NOD1: variants seen among roughly 807,000 people sequenced by gnomAD.
The protein encoded by NOD1 is nucleotide-binding oligomerization domain-containing protein 1.
A neutral mutation model predicts 81.2 loss-of-function variants in NOD1; 70 were observed. The observed-to-expected ratio is 0.86, with a 90% CI of 0.71 to 1.05. The LOEUF (loss-of-function observed/expected upper bound fraction) is 1.05. Among genes scored for constraint, NOD1 ranks in the 50% least tolerant of loss-of-function variants. NOD1 has a pLI of 0.00. For synonymous variants in NOD1, 508 were observed against 526.9 expected (o/e 0.96, Z 0.49); for missense variants, 1,233 against 1,228.0 (o/e 1.00, Z -0.06).
Position 30,429,467 on chromosome 7 carries a change from GAAC to G in NOD1, c.2706-13_2706-11del. The G allele has an allele frequency of 6.2e-7, 1 of 1,612,060 alleles. No individual in the cohort carries two copies. Among genetic ancestry groups the G allele is most frequent in the Non-Finnish European group, 8.5e-7 (1 of 1,178,128 alleles). On this transcript the variant is annotated splice_polypyrimidine_tract_variant and intron_variant, in intron 12 of 13. Transcript: ENST00000222823. Reference sequence around the variant, plus strand: ...CTGATTCTGGATAAGCCTGAAAGAAGAACATAACTTGTATAAAATCCATAATAC... The same window carrying G: ...CTGATTCTGGATAAGCCTGAAAGAAGATAACTTGTATAAAATCCATAATAC...
At chr7:30,438,795 T>TG (rs1339337818) in intron 9 of NOD1, among the ~76,000 whole-genome samples, 1 of 152,214 alleles carries the variant, frequency 6.6e-6, no homozygotes, top group Non-Finnish European at 1.5e-5. Flanking sequence ...TACTATAGTA[T>TG]AGATACATAT....
rs1428521828 is a variant in NOD1 at position 30,424,785 on chromosome 7, G to C, written c.*853C>G. Reference sequence around the variant, plus strand: ...GACAAAAGCAGCCATTTGGATGCCAGGGCCACAGGGGCAAGCCATGCCCTA... The same window carrying C: ...GACAAAAGCAGCCATTTGGATGCCACGGCCACAGGGGCAAGCCATGCCCTA... On this transcript the variant is annotated 3_prime_UTR_variant, in exon 14 of 14. Transcript: ENST00000222823. 6.6e-6 allele frequency: 1 copy of C among 152,280 alleles called. No individual in the cohort carries two copies. The highest frequency in any genetic ancestry group is 1.5e-5 in the Non-Finnish European group (1 of 68,106). 9.4% of individuals were successfully genotyped at this position (152,280 alleles called of 1,614,324 possible). A position where few individuals can be genotyped will look rare whatever the true frequency, so the allele number is the denominator to read the frequency against.
In NOD1 at chr7:30,425,554, A is replaced by AGAC; in HGVS notation, c.*81_*83dup. 1.0e-6 allele frequency: 1 copy of AGAC among 985,890 alleles called. No individual in the cohort carries two copies. The highest frequency in any genetic ancestry group is 1.6e-6 in the Non-Finnish European group (1 of 606,950). The allele number at this position is 985,890 out of a possible 1,614,324, so 61.1% of individuals were successfully genotyped here. A position where few individuals can be genotyped will look rare whatever the true frequency, so the allele number is the denominator to read the frequency against. On this transcript the variant is annotated 3_prime_UTR_variant, in exon 14 of 14. Transcript: ENST00000222823. ...AGTCCCGCCTGCGCAGGCCCCTTTAAGACACTGACACAAAAGACTGCCCAG... is the reference window on the plus strand; with the variant it reads ...AGTCCCGCCTGCGCAGGCCCCTTTAAGACGACACTGACACAAAAGACTGCCCAG...
chr7:30,435,328 T>G (rs1361423733), intron 11 of NOD1, among the ~76,000 whole-genome samples: 4 of 151,984 alleles, frequency 2.6e-5, no homozygotes, highest in African/African-American at 9.7e-5. Context: ...GGAAGGCAGA[T>G]GAAGAGGAGG....
intron 3 of NOD1, among the ~76,000 whole-genome samples, chr7:30,458,330 G>A (rs773919020): frequency 5.3e-5 from 8 of 152,134 alleles, no homozygotes; most frequent in African/African-American, 1.2e-4. Flanking sequence ...CCACTTTGTC[G>A]TTTGTCTAGG....
chr7:30,464,991 G>A (rs1721382225), intron 1 of NOD1, among the ~76,000 whole-genome samples: 1 of 152,196 alleles, frequency 6.6e-6, no homozygotes, highest in African/African-American at 2.4e-5. Flanking sequence ...GGCACACAGA[G>A]GTCAAGTAGC....
intron 6 of NOD1, among the ~76,000 whole-genome samples, chr7:30,449,929 A>C (rs962350911): frequency 1.3e-5 from 2 of 152,142 alleles, no homozygotes; most frequent in Non-Finnish European, 2.9e-5. Flanking sequence ...GCGGCGGCTC[A>C]TGCCTGTAAC....
At chr7:30,455,045 G>A in intron 5 of NOD1, 92 bp downstream of exon 5, 1 of 1,249,768 alleles carries the variant, frequency 8.0e-7, no homozygotes, top group South Asian at 1.3e-5. Flanking sequence ...CCTGCTTCCT[G>A]AGGTGGCACT....
rs768367069 is a variant in NOD1 at position 30,436,019 on chromosome 7, T to A, written c.2600A>T (p.Asn867Ile). The change falls in exon 11 of 14, where the codon AAC becomes ATC. Residue 867 changes from asparagine to isoleucine, a missense_variant. Transcript: ENST00000222823. ...GKSLARALQQ[N>I]TSLEILWLTQ... ...TTACCACAGTATTTCTAGAGACGTG[T>A]TCTGCTGCAGGGCCCTCGCAAGGCT... The A allele has an allele frequency of 2.1e-5, 34 of 1,614,040 alleles. No homozygotes were observed. Among genetic ancestry groups the A allele is most frequent in the Non-Finnish European group, 2.8e-5 (33 of 1,179,864 alleles).
chr7:30,462,197 T>C (rs1333041664), intron 1 of NOD1, among the ~76,000 whole-genome samples: 2 of 152,238 alleles, frequency 1.3e-5, no homozygotes, highest in African/African-American at 4.8e-5. Context: ...CACTGCTGCA[T>C]ACAATTTTGC....
intron 1 of NOD1, among the ~76,000 whole-genome samples, chr7:30,477,578 G>A (rs1236489637): frequency 6.6e-6 from 1 of 152,124 alleles, no homozygotes; most frequent in African/African-American, 2.4e-5. Context: ...GCAACAGGGC[G>A]ATCTCGGCTC....
intron 1 of NOD1, among the ~76,000 whole-genome samples, chr7:30,470,705 G>A (rs1788187907): frequency 6.6e-6 from 1 of 152,146 alleles, no homozygotes; most frequent in South Asian, 2.1e-4. Flanking sequence ...CCTACTGCTT[G>A]ACATTTTCTT....
intron 3 of NOD1, among the ~76,000 whole-genome samples, chr7:30,458,616 G>A (rs1445922336): frequency 1.3e-5 from 2 of 151,886 alleles, no homozygotes; most frequent in Non-Finnish European, 2.9e-5. Flanking sequence ...GATAGAGCAG[G>A]AAAGAGTAAA....
intron 10 of NOD1, 117 bp downstream of exon 10, chr7:30,437,456 G>A (rs1784477152): frequency 1.7e-6 from 1 of 579,726 alleles, no homozygotes; most frequent in Non-Finnish European, 2.8e-6. Context: ...CAAGAGTAAG[G>A]AAAATCACAC....
intron 10 of NOD1, among the ~76,000 whole-genome samples, chr7:30,437,089 C>G (rs779442985): frequency 3.3e-5 from 5 of 152,112 alleles, no homozygotes; most frequent in Non-Finnish European, 7.4e-5. Context: ...ATGGATGAAG[C>G]TGGAAACCAT....
At chr7:30,457,124 C>T in intron 3 of NOD1, 82 bp from the exon 4 acceptor site, 2 of 581,326 alleles carry the variant, frequency 3.4e-6, no homozygotes, top group Non-Finnish European at 6.1e-6. Context: ...TGGGGTTTCT[C>T]TACCTAGAGC....
intron 3 of NOD1, among the ~76,000 whole-genome samples, 170 bp from the exon 4 acceptor site, chr7:30,457,212 T>C (rs779254466): frequency 2.0e-5 from 3 of 152,166 alleles, no homozygotes; most frequent in African/African-American, 7.2e-5. Context: ...TTTGGGAGGC[T>C]GAGATGGGTA....
Position 30,436,029 on chromosome 7 carries a change from G to GGGCCCTCGCAA in NOD1, c.2579_2589dup (p.Gln865ArgfsTer10). The GGGCCCTCGCAA allele has an allele frequency of 6.2e-7, 1 of 1,614,136 alleles. No homozygotes were observed. The highest frequency in any genetic ancestry group is 8.5e-7 in the Non-Finnish European group (1 of 1,179,938). ...ATTTCTAGAGACGTGTTCTGCTGCA[G>GGGCCCTCGCAA]GGCCCTCGCAAGGCTCTTTCCTCCT... On this transcript the variant is annotated frameshift_variant, in exon 11 of 14. Transcript: ENST00000222823. LOFTEE classifies it high-confidence loss of function.
intron 1 of NOD1, among the ~76,000 whole-genome samples, chr7:30,464,672 C>T (rs1361868103): frequency 1.3e-5 from 2 of 152,134 alleles, no homozygotes; most frequent in African/African-American, 4.8e-5. Context: ...TGATTTTAGG[C>T]TGTGGGGAAC....
Sources: gnomAD v4.1 joint callset for allele counts (sites outside exome capture counted in the v4.1 genomes callset) on GRCh38, gnomAD v4.1.1 for gene constraint, MANE v1.5 for transcripts, NCBI Gene and HGNC (gene_info 2026-07-23, HGNC 2026-07-21) for gene names.